IQCH: variants seen among roughly 807,000 people sequenced by gnomAD.
IQCH encodes IQ motif containing H.
IQCH carries 98 observed loss-of-function variants against 117.0 expected under a neutral mutation model. The ratio of observed to expected loss-of-function variants is 0.84; its 90% confidence interval spans 0.71 to 0.99. The LOEUF is 0.99. Ranked by LOEUF, IQCH falls within the 50% of genes least tolerant of loss-of-function variation. The pLI is 0.00. For synonymous variants in IQCH, 412 were observed against 448.2 expected (o/e 0.92, Z 1.02); for missense variants, 1,102 against 1,243.8 (o/e 0.89, Z 1.72).
rs757767257 is a variant in IQCH at position 67,372,531 on chromosome 15, T to TATCGCCAGCAGAAGTGGGCATC, written c.1176_1197dup (p.Gly400SerfsTer20). 1.7e-5 allele frequency: 28 copies of TATCGCCAGCAGAAGTGGGCATC among 1,614,080 alleles called. No individual in the cohort carries two copies. In the South Asian group the frequency reaches 2.6e-4, roughly 15 times the overall value. On this transcript the variant is annotated frameshift_variant, in exon 9 of 21. Transcript: ENST00000335894. LOFTEE classifies it high-confidence loss of function. ...CAAAGCAAGAAAATTCTTCCTCTTT[T>TATCGCCAGCAGAAGTGGGCATC]ATCGCCAGCAGAAGTGGGCATCAGG...
chr15:67,490,199 G>T lies in IQCH; in HGVS notation c.2861+135G>T, dbSNP rs2141089740. 2 of 721,464 alleles carry T rather than the reference G, an allele frequency of 2.8e-6. No individual in the cohort carries two copies. Among genetic ancestry groups the T allele is most frequent in the South Asian group, 1.8e-5 (1 of 55,668 alleles). 44.7% of individuals were successfully genotyped at this position (721,464 alleles called of 1,614,324 possible). On this transcript the variant is annotated intron_variant, in intron 19 of 20. Transcript: ENST00000335894. This position sits in a 1 kb window ranked among gnomAD's most constrained non-coding sequence, Gnocchi z 4.9. The stretch of plus-strand genomic sequence containing the variant: ...AGTCTATCTTTATTTAGATCTTCAG[G>T]TATTTTATTTTATTCTATTTTTTTG...
intron 20 of IQCH, among the ~76,000 whole-genome samples, chr15:67,497,842 T>C (rs2083865676): frequency 6.6e-6 from 1 of 152,028 alleles, no homozygotes; most frequent in South Asian, 2.1e-4. Context: ...CTATAAGACA[T>C]GGGTGAAAGA....
At chr15:67,262,916 C>G (rs1052009211) in intron 2 of IQCH, among the ~76,000 whole-genome samples, 1 of 151,968 alleles carries the variant, frequency 6.6e-6, no homozygotes, top group African/African-American at 2.4e-5. Flanking sequence ...ACAGGTCACT[C>G]AAGCTTTGAG....
In IQCH at chr15:67,263,199, T is replaced by G; in HGVS notation, c.252T>G (p.Thr84=). Residue 84 remains threonine (T), a synonymous_variant, in exon 3 of 21, where the codon ACT becomes ACG. Coordinates refer to ENST00000335894, the MANE Select transcript of IQCH (RefSeq NM_001031715.3). ...CTGTTAATGATGAGAGCTTATATAC[T>G]CCCCAGGCTTCCAAATGGTAAGTAA... The part of the protein sequence containing the change: ...TTSVNDESLY[T]PQASKWLLPT... The G allele has an allele frequency of 1.9e-6, 3 of 1,554,528 alleles. No individual in the cohort carries two copies. Among genetic ancestry groups the G allele is most frequent in the Non-Finnish European group, 2.7e-6 (3 of 1,127,914 alleles).
At position 67,454,195 on chromosome 15, in the gene IQCH, T is replaced by C. The variant is rs57923370; in HGVS notation, c.2506-10932T>C. On this transcript the variant is annotated intron_variant, in intron 16 of 20. Transcript: ENST00000335894. The surrounding 1 kb of genome is among the most constrained non-coding windows in gnomAD (Gnocchi z 5.2). ...GCGCTTCCCAGGTGGGGCGATGCCT[T>C]GCCCTGCTTTGGCTCATGCATGGTG... 0.13 allele frequency among the ~76,000 whole-genome samples: 19,727 copies of C among 152,216 alleles called. 1,359 individuals carry two copies. Among genetic ancestry groups the C allele is most frequent in the East Asian group, 0.2 (1,046 of 5,172 alleles).
At chr15:67,349,510 T>C (rs930767478) in intron 6 of IQCH, among the ~76,000 whole-genome samples, 2 of 149,776 alleles carry the variant, frequency 1.3e-5, no homozygotes, top group African/African-American at 4.9e-5. Context: ...TCCCAGCTAC[T>C]TGGGAGACTG....
intron 6 of IQCH, among the ~76,000 whole-genome samples, chr15:67,345,967 T>G (rs1398214414): frequency 6.6e-6 from 1 of 152,066 alleles, no homozygotes; most frequent in East Asian, 1.9e-4. Flanking sequence ...CTAAAATTAT[T>G]CCAAAATAAG....
At chr15:67,399,696 T>TA (rs991341416) in intron 13 of IQCH, among the ~76,000 whole-genome samples, 1 of 152,204 alleles carries the variant, frequency 6.6e-6, no homozygotes, top group African/African-American at 2.4e-5. Flanking sequence ...CCCAAACAGT[T>TA]AAAGTTTTCA....
Position 67,312,716 on chromosome 15 carries a change from T to A in IQCH, c.388-24259T>A, listed in dbSNP as rs547673359. On this transcript the variant is annotated intron_variant, in intron 4 of 20. Transcript: ENST00000335894. ...AATGCTTGCAATAATATAGTAAGTG[T>A]TCTGTTTAAAATGAAGCAAAGGAAA... Among the ~76,000 whole-genome samples the A allele has an allele frequency of 2.0e-5, 3 of 152,264 alleles. No individual in the cohort carries two copies. In the East Asian group the frequency reaches 5.8e-4, roughly 29 times the overall value.
rs2082722579 is a variant in IQCH, at chr15:67,458,876, G to C, written c.2506-6251G>C. 1.3e-5 allele frequency among the ~76,000 whole-genome samples: 2 copies of C among 152,358 alleles called. 1 individual carries two copies. Among genetic ancestry groups the C allele is most frequent in the South Asian group, 4.1e-4 (2 of 4,832 alleles). On this transcript the variant is annotated intron_variant, in intron 16 of 20. Transcript: ENST00000335894. The surrounding 1 kb of genome is among the most constrained non-coding windows in gnomAD (Gnocchi z 4.1). ...CCGTGTATCACAGTTCACCCTGAAG[G>C]CTGGATGCCATTTCTGGCGTGGGTG...
intron 5 of IQCH, among the ~76,000 whole-genome samples, chr15:67,338,923 C>T (rs974026166): frequency 6.6e-6 from 1 of 152,160 alleles, no homozygotes; most frequent in Non-Finnish European, 1.5e-5. Context: ...CTTTATCAGG[C>T]CAAGCACATT....
intron 3 of IQCH, among the ~76,000 whole-genome samples, chr15:67,267,466 G>T (rs1339300664): frequency 1.3e-5 from 2 of 152,242 alleles, no homozygotes; most frequent in Non-Finnish European, 2.9e-5. Context: ...TTTTGGACAT[G>T]TAGAGGGCCT....
chr15:67,434,979 GTA>G (rs1480283321), intron 16 of IQCH, among the ~76,000 whole-genome samples: 2 of 107,882 alleles, frequency 1.9e-5, no homozygotes, highest in African/African-American at 6.7e-5. Context: ...TTTGTATTTT[GTA>G]TCTTTGTTTT....
In IQCH at chr15:67,342,763, TAA is replaced by T. The variant is rs1365526879; in HGVS notation, c.509-1299_509-1298del. Among the ~76,000 whole-genome samples, 1 of 152,152 alleles carries T rather than the reference TAA, an allele frequency of 6.6e-6. No homozygotes were observed. The stretch of plus-strand genomic sequence containing the variant: ...CTCTGGATCAGTAATTCTTAAGTGT[TAA>T]GAGTACAAAAGATTAACCTGGAGTG... On this transcript the variant is annotated intron_variant, in intron 5 of 20. Coordinates refer to ENST00000335894, the MANE Select transcript of IQCH (RefSeq NM_001031715.3). The surrounding 1 kb of genome is among the most constrained non-coding windows in gnomAD (Gnocchi z 4.7).
At chr15:67,353,362 A>ATT (rs113593879) in intron 6 of IQCH, among the ~76,000 whole-genome samples, 7 of 148,388 alleles carry the variant, frequency 4.7e-5, no homozygotes, top group Non-Finnish European at 9.0e-5. Flanking sequence ...ATATTTATTT[A>ATT]TTTTTTTTTT....
chr15:67,490,130 A>G lies in IQCH; in HGVS notation c.2861+66A>G. ...AAATAGACAATCACAACTAACAAGA[A>G]TGATGCTTCTCATGCATTTTAATCA... is the stretch of plus-strand genomic sequence containing the variant. On this transcript the variant is annotated intron_variant, in intron 19 of 20. Coordinates refer to ENST00000335894, the MANE Select transcript of IQCH (RefSeq NM_001031715.3). The surrounding 1 kb of genome is among the most constrained non-coding windows in gnomAD (Gnocchi z 4.9). 1 of 1,039,794 alleles carries G rather than the reference A, an allele frequency of 9.6e-7. No individual in the cohort carries two copies. Among genetic ancestry groups the G allele is most frequent in the South Asian group, 1.3e-5 (1 of 76,194 alleles). The allele number at this position is 1,039,794 out of a possible 1,614,324, so 64.4% of individuals were successfully genotyped here. A position where few individuals can be genotyped will look rare whatever the true frequency, so the allele number is the denominator to read the frequency against.
rs1283344317 is a variant in IQCH, at chr15:67,463,840, A to G, written c.2506-1287A>G. On this transcript the variant is annotated intron_variant, in intron 16 of 20. Transcript: ENST00000335894. The surrounding 1 kb of genome is among the most constrained non-coding windows in gnomAD (Gnocchi z 4.0). ...TGTATGTATCTGTCTTCACCTTCTT[A>G]TTTTTATTTTTTATTTTTTTGAGAC... Among the ~76,000 whole-genome samples, 1 of 151,768 alleles carries G rather than the reference A, an allele frequency of 6.6e-6. No homozygotes were observed. Among genetic ancestry groups the G allele is most frequent in the Non-Finnish European group, 1.5e-5 (1 of 67,908 alleles).
intron 8 of IQCH, among the ~76,000 whole-genome samples, chr15:67,371,051 A>T (rs561610630): frequency 4.6e-5 from 7 of 152,306 alleles, no homozygotes; most frequent in Admixed American, 2.6e-4. Context: ...GGGCTTATAC[A>T]TCTGAGAACG....
chr15:67,290,073 G>T (rs1023218673), intron 4 of IQCH, among the ~76,000 whole-genome samples: 1 of 152,010 alleles, frequency 6.6e-6, no homozygotes, highest in African/African-American at 2.4e-5. Context: ...TAATTCTGGG[G>T]CATAGTGAAA....
Sources: gnomAD v4.1 joint callset for allele counts (sites outside exome capture counted in the v4.1 genomes callset) on GRCh38, gnomAD v4.1.1 for gene constraint, Gnocchi (gnomAD v3.1) non-coding constraint, MANE v1.5 for transcripts, NCBI Gene and HGNC (gene_info 2026-07-23, HGNC 2026-07-21) for gene names.